RPAP2: variants seen among roughly 807,000 people sequenced by gnomAD.
RPAP2 encodes the protein putative RNA polymerase II subunit B1 CTD phosphatase RPAP2.
A neutral mutation model predicts 73.1 loss-of-function variants in RPAP2; 52 were observed. The ratio of observed to expected loss-of-function variants is 0.71; its 90% CI spans 0.57 to 0.90. The LOEUF (loss-of-function observed/expected upper bound fraction) is 0.90. RPAP2 is among the 40% of genes least tolerant of loss of function. The pLI is 0.00. For synonymous variants in RPAP2, 225 were observed against 242.1 expected, an observed-to-expected ratio of 0.93 and a Z score of 0.65; for missense variants, 598 against 701.8, an observed-to-expected ratio of 0.85 and a Z score of 1.67.
intron 11 of RPAP2, among the ~76,000 whole-genome samples, chr1:92,355,904 C>G (rs1654438831): frequency 6.6e-6 from 1 of 152,128 alleles, no homozygotes; most frequent in South Asian, 2.1e-4. Context: ...AAGGGATACT[C>G]AAACTATATT....
At chr1:92,375,390 C>G (rs577926399) in intron 11 of RPAP2, among the ~76,000 whole-genome samples, 34 of 152,118 alleles carry the variant, frequency 2.2e-4, no homozygotes, top group Non-Finnish European at 4.4e-4. Flanking sequence ...CAGCGAATCA[C>G]AGATCAGAAA....
At position 92,397,191 on chromosome 1, in the gene RPAP2, C is replaced by T. The variant is rs930569421; in HGVS notation, c.*10180C>T. ...ATTGCTTGAGTCCAGGAGTTTGAGA[C>T]CAACTTGGGCAACATAGCAAAACCC... is the stretch of plus-strand genomic sequence containing the variant. On this transcript the variant is annotated 3_prime_UTR_variant, in exon 13 of 13. Transcript: ENST00000610020. The T allele has an allele frequency of 2.0e-5, 3 of 151,934 alleles. No individual in the cohort carries two copies. Among genetic ancestry groups the T allele is most frequent in the African/African-American group, 2.4e-5 (1 of 41,336 alleles). 9.4% of individuals were successfully genotyped at this position (151,934 alleles called of 1,614,324 possible).
At position 92,302,449 on chromosome 1, in the gene RPAP2, A is replaced by G. The variant is rs536534014; in HGVS notation, c.234+859A>G. Among the ~76,000 whole-genome samples the G allele has an allele frequency of 3.9e-5, 6 of 151,938 alleles. No homozygotes were observed. The East Asian group carries it at 9.7e-4, about 24-fold the overall frequency. On this transcript the variant is annotated intron_variant, in intron 3 of 12. Transcript: ENST00000610020. ...CTAATGATTGCAATTCCAGTTTTCT[A>G]TATTCTGTGTTGTGTTATTTTAAGT...
At chr1:92,370,142 C>A (rs1300554776) in intron 11 of RPAP2, among the ~76,000 whole-genome samples, 1 of 152,222 alleles carries the variant, frequency 6.6e-6, no homozygotes, top group Non-Finnish European at 1.5e-5. Context: ...GCATCAGCCT[C>A]CCAAAGTGCT....
chr1:92,334,888 T>C (rs894348083), intron 9 of RPAP2, among the ~76,000 whole-genome samples: 15 of 152,086 alleles, frequency 9.9e-5, no homozygotes, highest in African/African-American at 3.6e-4. Flanking sequence ...CTCAGGAGGC[T>C]GAGGCAGGAG....
intron 11 of RPAP2, among the ~76,000 whole-genome samples, chr1:92,371,889 C>CAAAA (rs1164408246): frequency 2.2e-5 from 2 of 92,078 alleles, no homozygotes; most frequent in East Asian, 2.8e-4. Flanking sequence ...GACCCTGTCT[C>CAAAA]AAAAAAAAAA....
chr1:92,361,323 G>T (rs1654723918), intron 11 of RPAP2, among the ~76,000 whole-genome samples: 1 of 152,006 alleles, frequency 6.6e-6, no homozygotes. Flanking sequence ...ACATTGTCTG[G>T]ATTACTTTTG....
At chr1:92,383,126 A>G (rs1250141931) in intron 12 of RPAP2, among the ~76,000 whole-genome samples, 12 of 151,826 alleles carry the variant, frequency 7.9e-5, no homozygotes, top group African/African-American at 2.4e-4. Flanking sequence ...CCATTCATCT[A>G]TATCTCTGTT....
At chr1:92,347,205 T>C (rs1653949029) in intron 11 of RPAP2, among the ~76,000 whole-genome samples, 1 of 152,226 alleles carries the variant, frequency 6.6e-6, no homozygotes, top group Non-Finnish European at 1.5e-5. Context: ...AACAAATCTT[T>C]TGTCATTTCT....
chr1:92,373,478 A>G (rs1413990945), intron 11 of RPAP2, among the ~76,000 whole-genome samples: 2 of 152,184 alleles, frequency 1.3e-5, no homozygotes, highest in African/African-American at 4.8e-5. Context: ...TTCATAGATC[A>G]GCCCGTGAAT....
At chr1:92,384,972 C>T (rs369119479) in intron 12 of RPAP2, among the ~76,000 whole-genome samples, 2 of 151,338 alleles carry the variant, frequency 1.3e-5, no homozygotes, top group Non-Finnish European at 2.9e-5. Flanking sequence ...AACAAAGTTG[C>T]CCAGTTTTGT....
intron 12 of RPAP2, among the ~76,000 whole-genome samples, chr1:92,382,602 C>T (rs1655691708): frequency 6.6e-6 from 1 of 152,194 alleles, no homozygotes; most frequent in Non-Finnish European, 1.5e-5. Flanking sequence ...CCTTCACCCA[C>T]TTTTTGATGG....
rs1296616257 is a variant in RPAP2 at position 92,333,442 on chromosome 1, A to G, written c.1507A>G (p.Lys503Glu). 1 of 1,613,536 alleles carries G rather than the reference A, an allele frequency of 6.2e-7. No homozygotes were observed. ...IDSSSQNQIR[K>E]RIVLEKLSKV... ...CTCAAGTTCCCAGAACCAGATTAGA[A>G]AACGCATCGTACTTGAAAAGTTGAG... Residue 503 changes from lysine to glutamate, a missense_variant, in exon 9 of 13, where the codon AAA (lysine) becomes GAA (glutamate). Around this residue, in one of 3 missense-constraint regions of RPAP2, gnomAD observed 506 missense variants for 612.8 expected, o/e 0.83. Transcript: ENST00000610020.
Position 92,395,030 on chromosome 1 carries a change from A to C in RPAP2, c.*8019A>C, listed in dbSNP as rs1206969783. Reference sequence around the variant, plus strand: ...CATTTATGATCAATTAAGTTTTGACAAAAATCCCAATGAAATTATGGAGAA... The same window carrying C: ...CATTTATGATCAATTAAGTTTTGACCAAAATCCCAATGAAATTATGGAGAA... On this transcript the variant is annotated 3_prime_UTR_variant, in exon 13 of 13. Coordinates refer to ENST00000610020, the MANE Select transcript of RPAP2 (RefSeq NM_024813.3). 3 of 152,244 alleles carry C rather than the reference A, an allele frequency of 2.0e-5. No homozygotes were observed. The allele number at this position is 152,244 out of a possible 1,614,324, so 9.4% of individuals were successfully genotyped here. A position where few individuals can be genotyped will look rare whatever the true frequency, so the allele number is the denominator to read the frequency against.
chr1:92,338,104 T>C (rs1312062702), intron 10 of RPAP2, among the ~76,000 whole-genome samples: 1 of 152,222 alleles, frequency 6.6e-6, no homozygotes, highest in East Asian at 1.9e-4. Context: ...TGTGGTATTT[T>C]ACACTTCAGT....
In RPAP2 at chr1:92,324,413, A is replaced by G. The variant is rs767999837; in HGVS notation, c.1455+38A>G. On this transcript the variant is annotated intron_variant, in intron 8 of 12. Coordinates refer to ENST00000610020, the MANE Select transcript of RPAP2 (RefSeq NM_024813.3). The stretch of plus-strand genomic sequence containing the variant: ...GACATTGAGTTTTTCCAGATCGTTA[A>G]CATTTGGAAAACTCACCACAGCAAA... The G allele has an allele frequency of 2.2e-5, 33 of 1,476,904 alleles. No homozygotes were observed. In the East Asian group the frequency reaches 7.3e-4, roughly 33 times the overall value. The allele number at this position is 1,476,904 out of a possible 1,614,324, so 91.5% of individuals were successfully genotyped here. A position where few individuals can be genotyped will look rare whatever the true frequency, so the allele number is the denominator to read the frequency against.
At chr1:92,321,256 C>T (rs914849896) in intron 7 of RPAP2, among the ~76,000 whole-genome samples, 1 of 152,094 alleles carries the variant, frequency 6.6e-6, no homozygotes, top group Non-Finnish European at 1.5e-5. Flanking sequence ...ACATAATTGC[C>T]TTAAAACTCC....
intron 10 of RPAP2, among the ~76,000 whole-genome samples, chr1:92,339,170 G>A (rs903578742): frequency 9.9e-5 from 15 of 152,012 alleles, no homozygotes; most frequent in African/African-American, 3.6e-4. Flanking sequence ...AAACTATTCT[G>A]AGGTTCTCAA....
At position 92,324,123 on chromosome 1, in the gene RPAP2, T is replaced by C. The variant is rs111651847; in HGVS notation, c.1203T>C (p.Ser401=). 6.2e-7 allele frequency: 1 copy of C among 1,614,132 alleles called. No homozygotes were observed. The highest frequency in any genetic ancestry group is 8.5e-7 in the Non-Finnish European group (1 of 1,180,016). ...YASVCLKPEA[S]LVKEELDEDD... is the part of the protein sequence containing the mutation. The stretch of plus-strand genomic sequence containing the variant: ...CTGTGTGTCTGAAACCCGAAGCCTC[T>C]CTGGTTAAAGAAGAACTTGATGAAG... The change falls in exon 8 of 13, where the codon TCT becomes TCC. Residue 401 remains serine, a synonymous_variant. Coordinates refer to ENST00000610020, the MANE Select transcript of RPAP2 (RefSeq NM_024813.3).
Sources: gnomAD v4.1 joint callset for allele counts (sites outside exome capture counted in the v4.1 genomes callset) on GRCh38, gnomAD v4.1.1 for gene constraint, gnomAD v4.1.1 regional missense constraint, MANE v1.5 for transcripts, NCBI Gene and HGNC (gene_info 2026-07-23, HGNC 2026-07-21) for gene names.